USP43: variants seen among roughly 807,000 people sequenced by gnomAD.
USP43 encodes the protein ubiquitin carboxyl-terminal hydrolase 43.
In USP43, 33 loss-of-function variants were observed where a neutral mutation model predicts 90.7. The observed-to-expected ratio is 0.36, with a 90% confidence interval of 0.28 to 0.49. The LOEUF (loss-of-function observed/expected upper bound fraction) is 0.49, where lower values mean the gene tolerates loss of function less well. Among genes scored for constraint, USP43 ranks in the 20% least tolerant of loss-of-function variants. The pLI is 0.98. For missense variants in USP43, 1,274 were observed against 1,476.4 expected, an observed-to-expected ratio of 0.86 and a Z score of 2.25; for synonymous variants, 598 against 615.8, an observed-to-expected ratio of 0.97 and a Z score of 0.43.
intron 14 of USP43, among the ~76,000 whole-genome samples, chr17:9,722,664 C>T (rs895248877): frequency 1.3e-5 from 2 of 152,172 alleles, no homozygotes; most frequent in East Asian, 3.9e-4. Context: ...AAGGTGCTCT[C>T]TTTCACCACT....
chr17:9,681,145 CT>C (rs1374774378), intron 6 of USP43, among the ~76,000 whole-genome samples: 3 of 96,500 alleles, frequency 3.1e-5, no homozygotes, highest in African/African-American at 5.5e-5. Context: ...ATAATATATA[CT>C]ATATAATATA....
rs376542485 is a variant in USP43, at chr17:9,728,189, G to A, written c.2571G>A (p.Ala857=). Residue 857 remains alanine, a synonymous_variant, in exon 15 of 15, where the codon GCG becomes GCA. Coordinates refer to ENST00000285199, the MANE Select transcript of USP43 (RefSeq NM_153210.5). The surrounding 1 kb of genome is among the most constrained non-coding windows in gnomAD (Gnocchi z 6.2). ...QSIVSLLTGT[A]GEDEKSASPR... ...TTGTGTCGCTGTTGACGGGCACTGC[G>A]GGTGAGGATGAGAAGTCAGCATCGC... 10 of 1,613,940 alleles carry A rather than the reference G, an allele frequency of 6.2e-6. No individual in the cohort carries two copies. Among genetic ancestry groups the A allele is most frequent in the East Asian group, 2.2e-5 (1 of 44,872 alleles).
rs975563814 is a variant in USP43, at chr17:9,686,121, C to T, written c.1242-677C>T. 1.3e-4 allele frequency among the ~76,000 whole-genome samples: 20 copies of T among 152,252 alleles called. No homozygotes were observed. Among genetic ancestry groups the T allele is most frequent in the Middle Eastern group, 3.4e-3 (1 of 294 alleles). On this transcript the variant is annotated intron_variant, in intron 7 of 14. Transcript: ENST00000285199. This position sits in a 1 kb window ranked among gnomAD's most constrained non-coding sequence, Gnocchi z 5.5. The stretch of plus-strand genomic sequence containing the variant: ...TGTCCTCCAGCCTCATCCATCTTGC[C>T]GCAAACAACAGGATTTCATTTCTTT...
rs1345968322 is a variant in USP43, at chr17:9,656,437, G to GCTCT, written c.540_541insTCTC (p.Asn181SerfsTer20). On this transcript the variant is annotated frameshift_variant, in exon 2 of 15. Coordinates refer to ENST00000285199, the MANE Select transcript of USP43 (RefSeq NM_153210.5). LOFTEE classifies it high-confidence loss of function. ...TCCAAGTACGGCTCTCAGTTCCAAG[G>GCTCT]CAATTCCCAGCACGACGCCCTGGAA... The GCTCT allele has an allele frequency of 6.2e-7, 1 of 1,610,702 alleles. No homozygotes were observed. Among genetic ancestry groups the GCTCT allele is most frequent in the Non-Finnish European group, 8.5e-7 (1 of 1,178,656 alleles).
At chr17:9,693,886 G>T (rs541591954) in intron 9 of USP43, among the ~76,000 whole-genome samples, 2 of 152,220 alleles carry the variant, frequency 1.3e-5, no homozygotes, top group Admixed American at 6.5e-5. Context: ...TTTCAATTAG[G>T]TCATGCTCCT....
intron 14 of USP43, among the ~76,000 whole-genome samples, chr17:9,712,879 G>T (rs1765435961): frequency 6.6e-6 from 1 of 151,874 alleles, no homozygotes; most frequent in Non-Finnish European, 1.5e-5. Flanking sequence ...ATATATTTGG[G>T]GTACATATGA....
chr17:9,695,618 C>A (rs770538132), intron 9 of USP43, among the ~76,000 whole-genome samples: 6 of 152,186 alleles, frequency 3.9e-5, no homozygotes, highest in Non-Finnish European at 8.8e-5. Context: ...CAGGCATGAG[C>A]CACCACTTAG....
intron 8 of USP43, among the ~76,000 whole-genome samples, chr17:9,690,505 C>G (rs529252898): frequency 6.6e-6 from 1 of 152,320 alleles, no homozygotes; most frequent in East Asian, 1.9e-4. Flanking sequence ...ACCATCACTA[C>G]TATGTATACT....
chr17:9,718,808 C>T (rs930751054), intron 14 of USP43, among the ~76,000 whole-genome samples: 2 of 151,332 alleles, frequency 1.3e-5, no homozygotes, highest in Non-Finnish European at 2.9e-5. Context: ...CCATTGCACT[C>T]CAGTCTGGGC....
intron 14 of USP43, among the ~76,000 whole-genome samples, chr17:9,715,875 C>CTG (rs1177467871): frequency 7.0e-6 from 1 of 142,142 alleles, no homozygotes; most frequent in South Asian, 2.3e-4. Flanking sequence ...CTCTGTGTAT[C>CTG]TGTGTGTGTG....
chr17:9,703,966 G>A (rs567645821), intron 12 of USP43, among the ~76,000 whole-genome samples: 10 of 152,272 alleles, frequency 6.6e-5, no homozygotes, highest in Non-Finnish European at 1.5e-4. Flanking sequence ...GAGTGCTTAC[G>A]TGTCAGGAAA....
At chr17:9,669,022 T>G (rs1249603178) in intron 3 of USP43, among the ~76,000 whole-genome samples, 3 of 151,784 alleles carry the variant, frequency 2.0e-5, no homozygotes, top group Non-Finnish European at 4.4e-5. Flanking sequence ...TTTTTTTAAT[T>G]TTTAGTAGAG....
chr17:9,726,388 A>G (rs368483482), intron 14 of USP43, among the ~76,000 whole-genome samples: 21 of 152,154 alleles, frequency 1.4e-4, no homozygotes, highest in African/African-American at 5.1e-4. Flanking sequence ...TTCATTGTTC[A>G]TTCAGGCTGT....
In USP43 at chr17:9,710,073, G is replaced by A. The variant is rs762217734; in HGVS notation, c.2129G>A (p.Arg710Gln). 2.6e-5 allele frequency: 41 copies of A among 1,551,206 alleles called. No individual in the cohort carries two copies. The highest frequency in any genetic ancestry group is 2.2e-4 in the South Asian group (18 of 80,758). ...RGAYILFYQK[R>Q]NSIPPWSASS... is the part of the protein sequence containing the mutation. ...GCTTATATCCTGTTCTATCAGAAGCGGAACAGCATCCCTCCCTGGTCAGCC... is the reference window on the plus strand; with the variant it reads ...GCTTATATCCTGTTCTATCAGAAGCAGAACAGCATCCCTCCCTGGTCAGCC... Residue 710 changes from arginine to glutamine, a missense_variant, in exon 13 of 15, where the codon CGG becomes CAG. Around this residue, in one of 6 missense-constraint regions of USP43, gnomAD observed 285 missense variants for 349.6 expected, o/e 0.82. Transcript: ENST00000285199.
intron 9 of USP43, among the ~76,000 whole-genome samples, chr17:9,696,842 A>G (rs1364219443): frequency 6.6e-6 from 1 of 152,188 alleles, no homozygotes; most frequent in Non-Finnish European, 1.5e-5. Flanking sequence ...GAGGGCACAC[A>G]TCCTGCCCTC....
At chr17:9,700,992 C>T in intron 10 of USP43, 127 bp from the exon 11 acceptor site, 1 of 1,226,776 alleles carries the variant, frequency 8.2e-7, no homozygotes, top group Non-Finnish European at 1.1e-6. Context: ...TCCAGGAACC[C>T]ATAGGCAGGG....
chr17:9,657,535 T>A (rs1050869499), intron 2 of USP43, among the ~76,000 whole-genome samples: 2 of 151,824 alleles, frequency 1.3e-5, no homozygotes, highest in African/African-American at 4.8e-5. Context: ...GAGACATACC[T>A]GAGACTGGGT....
chr17:9,672,149 A>C (rs1259127246), intron 3 of USP43, among the ~76,000 whole-genome samples: 1 of 152,104 alleles, frequency 6.6e-6, no homozygotes, highest in African/African-American at 2.4e-5. Flanking sequence ...GTCACCTGCC[A>C]CCACGCCCGG....
rs1567660738 is a variant in USP43, at chr17:9,681,176, TA to T, written c.1105+811del. Among the ~76,000 whole-genome samples, 277 of 87,652 alleles carry T rather than the reference TA, an allele frequency of 3.2e-3. 16 individuals are homozygous for T. Among genetic ancestry groups the T allele is most frequent in the East Asian group, 0.031 (58 of 1,862 alleles). The allele number at this position is 87,652 out of a possible 152,430, so 57.5% of individuals were successfully genotyped here. On this transcript the variant is annotated intron_variant, in intron 6 of 14. Transcript: ENST00000285199. The stretch of plus-strand genomic sequence containing the variant: ...AATATATACTATATAATATATACTA[TA>T]TAATATACTATATAATATATACTAT...
Sources: allele counts gnomAD v4.1 joint callset (sites outside exome capture counted in the v4.1 genomes callset), GRCh38; gene constraint gnomAD v4.1.1; regional missense constraint gnomAD v4.1.1; non-coding constraint Gnocchi (gnomAD v3.1); transcripts MANE v1.5; gene names NCBI Gene and HGNC (gene_info 2026-07-23, HGNC 2026-07-21).